Variants in SCIN observed in about 807,000 individuals in gnomAD.
The protein encoded by SCIN is adseverin.
In SCIN, 91 loss-of-function variants were observed where a neutral mutation model predicts 91.8. That is an observed-to-expected ratio of 0.99 (90% CI 0.84 to 1.18). The LOEUF (loss-of-function observed/expected upper bound fraction) is 1.18, where lower values mean the gene tolerates loss of function less well. Among genes scored for constraint, SCIN ranks in the 50% most tolerant of loss-of-function variants. The probability of loss-of-function intolerance (pLI) is 0.00; values close to 1 mark genes in which losing one functional copy is unlikely to be tolerated. For missense variants in SCIN, 1,087 were observed against 863.9 expected (o/e 1.26, Z -3.24); for synonymous variants, 367 against 312.6 (o/e 1.17, Z -1.84).
intron 11 of SCIN, among the ~76,000 whole-genome samples, chr7:12,641,625 A>G (rs1783861470): frequency 6.6e-6 from 1 of 152,048 alleles, no homozygotes; most frequent in South Asian, 2.1e-4. Context: ...ACATGGTCCT[A>G]TACTAAATTT....
At chr7:12,591,299 G>A (rs967921176) in intron 3 of SCIN, among the ~76,000 whole-genome samples, 24 of 152,178 alleles carry the variant, frequency 1.6e-4, no homozygotes, top group African/African-American at 5.3e-4. Flanking sequence ...TACTGCTTGG[G>A]AGGAGAGGAG....
Position 12,622,887 on chromosome 7 carries a change from A to C in SCIN, c.753A>C (p.Leu251=), listed in dbSNP as rs556075801. ...TAAGTAACAGGAAAATGGCTAAACT[A>C]TACATGGTGAGTTCACTGTAACCAA... ...ADISNRKMAK[L]YMVSDASGSM... Residue 251 remains leucine, a synonymous_variant, in exon 5 of 16, where the codon CTA becomes CTC. Coordinates refer to ENST00000297029, the MANE Select transcript of SCIN (RefSeq NM_001112706.3). 1.2e-6 allele frequency: 2 copies of C among 1,609,366 alleles called. No individual in the cohort carries two copies. The highest frequency in any genetic ancestry group is 3.3e-5 in the Admixed American group (2 of 59,838).
chr7:12,597,066 A>G (rs1782857975), intron 3 of SCIN, among the ~76,000 whole-genome samples: 1 of 152,232 alleles, frequency 6.6e-6, no homozygotes, highest in African/African-American at 2.4e-5. Context: ...AACACACACA[A>G]TATCTTTCAA....
Position 12,604,734 on chromosome 7 carries a change from G to GTC in SCIN, c.666+72_666+73insCT, listed in dbSNP as rs1195594475. 5.0e-6 allele frequency: 7 copies of GTC among 1,393,018 alleles called. No individual in the cohort carries two copies. The African/African-American group carries it at 8.6e-5, about 17-fold the overall frequency. The allele number at this position is 1,393,018 out of a possible 1,614,324, so 86.3% of individuals were successfully genotyped here. ...GTATGTGTCTGTGTGGTGTGTGTGT[G>GTC]TGTGTAAGGCAGCAGGGTGGGGAAG... On this transcript the variant is annotated intron_variant, in intron 4 of 15. Coordinates refer to ENST00000297029, the MANE Select transcript of SCIN (RefSeq NM_001112706.3).
intron 5 of SCIN, among the ~76,000 whole-genome samples, chr7:12,623,820 A>AT (rs528913770): frequency 2.6e-5 from 4 of 152,136 alleles, no homozygotes; most frequent in Admixed American, 6.6e-5. Flanking sequence ...GAATAAGTGG[A>AT]TTTTTTTTCT....
intron 4 of SCIN, among the ~76,000 whole-genome samples, chr7:12,611,299 G>T (rs183357256): frequency 2.6e-5 from 4 of 152,154 alleles, no homozygotes; most frequent in East Asian, 1.9e-4. Context: ...TTACAGAAAT[G>T]AGTGATTTTT....
intron 3 of SCIN, among the ~76,000 whole-genome samples, chr7:12,597,196 A>AC (rs1293645831): frequency 6.6e-6 from 1 of 152,234 alleles, no homozygotes; most frequent in Non-Finnish European, 1.5e-5. Context: ...TAAAATAAAA[A>AC]AGGTTCGTGG....
chr7:12,629,799 A>G (rs1015108281), intron 9 of SCIN, among the ~76,000 whole-genome samples: 1 of 152,150 alleles, frequency 6.6e-6, no homozygotes, highest in Admixed American at 6.5e-5. Flanking sequence ...TCAAGGAGGA[A>G]ATGATCAAAT....
chr7:12,632,182 T>C (rs1017108316), intron 9 of SCIN, among the ~76,000 whole-genome samples: 1 of 151,424 alleles, frequency 6.6e-6, no homozygotes, highest in African/African-American at 2.4e-5. Context: ...CAGGCTGGAG[T>C]ACAGTGGTGC....
chr7:12,654,324 AG>A lies in SCIN; in HGVS notation c.*1611del, dbSNP rs775117945. 1 of 152,218 alleles carries A rather than the reference AG, an allele frequency of 6.6e-6. No homozygotes were observed. Among genetic ancestry groups the A allele is most frequent in the Non-Finnish European group, 1.5e-5 (1 of 68,028 alleles). 9.4% of individuals were successfully genotyped at this position (152,218 alleles called of 1,614,324 possible). On this transcript the variant is annotated 3_prime_UTR_variant, in exon 16 of 16. Transcript: ENST00000297029. ...TAGCAGATAATGTGGCCGTCCAGGC[AG>A]GCATGAGATTTCTCAGCCTTACTTC...
chr7:12,593,088 C>G (rs1330217545), intron 3 of SCIN, among the ~76,000 whole-genome samples: 1 of 152,208 alleles, frequency 6.6e-6, no homozygotes, highest in African/African-American at 2.4e-5. Context: ...AGTCAGACTT[C>G]CAGTGCCCAT....
At chr7:12,571,386 C>T (rs1280994903) in intron 1 of SCIN, 7 of 334,848 alleles carry the variant, frequency 2.1e-5, no homozygotes, top group Admixed American at 4.4e-5. Context: ...CTTTCCCTGT[C>T]GGGATGGAGA....
chr7:12,640,542 A>G (rs367669874), intron 11 of SCIN, 25 bp downstream of exon 11: 283 of 1,574,878 alleles, frequency 1.8e-4, no homozygotes, highest in Non-Finnish European at 2.3e-4. Context: ...TCCATAAAAC[A>G]TGCCCTAGTT....
intron 1 of SCIN, among the ~76,000 whole-genome samples, chr7:12,572,654 G>C (rs1782293047): frequency 6.6e-6 from 1 of 152,092 alleles, no homozygotes. Context: ...ATATTTTGTA[G>C]GGTTTACAGA....
rs1280985359 is a variant in SCIN at position 12,657,570 on chromosome 7, ATATTTTTTTTTTTTTT to A, written c.*4857_*4872del. On this transcript the variant is annotated 3_prime_UTR_variant, in exon 16 of 16. Coordinates refer to ENST00000297029, the MANE Select transcript of SCIN (RefSeq NM_001112706.3). ...TATATATATATATATATATATATAT[ATATTTTTTTTTTTTTT>A]TTTTTTTTTTTTGCATTGGCAAAAA... is the stretch of plus-strand genomic sequence containing the variant. 2,118 of 20,904 alleles carry A rather than the reference ATATTTTTTTTTTTTTT, an allele frequency of 0.1. 117 individuals carry two copies. Among genetic ancestry groups the A allele is most frequent in the African/African-American group, 0.22 (2,010 of 8,968 alleles). The allele number at this position is 20,904 out of a possible 1,614,324, so 1.3% of individuals were successfully genotyped here. A position where few individuals can be genotyped will look rare whatever the true frequency, so the allele number is the denominator to read the frequency against.
At chr7:12,604,693 G>T in intron 4 of SCIN, 30 bp downstream of exon 4, 1 of 1,539,294 alleles carries the variant, frequency 6.5e-7, no homozygotes, top group Non-Finnish European at 8.8e-7. Flanking sequence ...TTGTTAAAGG[G>T]TTACCACTCC....
chr7:12,584,478 A>G (rs1379815786), intron 3 of SCIN, among the ~76,000 whole-genome samples: 5 of 152,196 alleles, frequency 3.3e-5, no homozygotes, highest in African/African-American at 1.2e-4. Flanking sequence ...GTTATTCCAT[A>G]TTGTCCTTTT....
rs1400411599 is a variant in SCIN at position 12,624,991 on chromosome 7, G to A, written c.760-19G>A. The A allele has an allele frequency of 1.0e-5, 16 of 1,549,098 alleles. No homozygotes were observed. In the South Asian group the frequency reaches 1.1e-4, roughly 10 times the overall value. On this transcript the variant is annotated intron_variant, in intron 5 of 15. Transcript: ENST00000297029. ...ATCATCCCCAAATGAAAACATGGAG[G>A]TCATGGTTTTTATATTAGGTTTCAG... is the stretch of plus-strand genomic sequence containing the variant.
chr7:12,574,993 AG>A (rs1782340605), intron 1 of SCIN, among the ~76,000 whole-genome samples: 2 of 152,232 alleles, frequency 1.3e-5, no homozygotes, highest in South Asian at 2.1e-4. Context: ...ACATTTACTT[AG>A]GTCTTCCTTG....
Sources: allele counts gnomAD v4.1 joint callset (sites outside exome capture counted in the v4.1 genomes callset), GRCh38; gene constraint gnomAD v4.1.1; transcripts MANE v1.5; gene names NCBI Gene and HGNC (gene_info 2026-07-23, HGNC 2026-07-21).